The following MYOM1 variants were observed in gnomAD, a reference collection of about 807,000 sequenced individuals.
MYOM1 encodes the protein myomesin-1.
MYOM1 carries 164 observed loss-of-function variants against 205.3 expected under a neutral mutation model. The observed-to-expected ratio is 0.80, with a 90% confidence interval of 0.70 to 0.91. The LOEUF (loss-of-function observed/expected upper bound fraction) is 0.91. Among genes scored for constraint, MYOM1 ranks in the 40% least tolerant of loss-of-function variants. The pLI is 0.00. For missense variants in MYOM1, 2,011 were observed against 2,127.3 expected (o/e 0.95, Z 1.08); for synonymous variants, 772 against 789.4 (o/e 0.98, Z 0.37).
chr18:3,074,557 T>TA (rs1272742673), intron 36 of MYOM1, among the ~76,000 whole-genome samples: 1 of 152,202 alleles, frequency 6.6e-6, no homozygotes, highest in African/African-American at 2.4e-5. Context: ...TGAGTTCTTC[T>TA]AAAAATCTGT....
At chr18:3,143,298 T>C (rs1029283772) in intron 13 of MYOM1, among the ~76,000 whole-genome samples, 3 of 152,122 alleles carry the variant, frequency 2.0e-5, no homozygotes, top group Admixed American at 6.5e-5. Flanking sequence ...ATTTCAAGAA[T>C]GAAGGTAAAA....
In MYOM1 at chr18:3,142,041, CG is replaced by C. The variant is rs1000805573; in HGVS notation, c.1922del (p.Pro641ArgfsTer46). The stretch of plus-strand genomic sequence containing the variant: ...TGGCCTCAGTGACAGAGAGGTCTGT[CG>C]GGGGGCCAGGCACAATACCCTCTGA... ...EPSEGIVPGP[P>X]TDLSVTEATR... On this transcript the variant is annotated frameshift_variant, in exon 14 of 38. Transcript: ENST00000356443. LOFTEE classifies it high-confidence loss of function. 2 of 1,613,594 alleles carry C rather than the reference CG, an allele frequency of 1.2e-6. No individual in the cohort carries two copies. The highest frequency in any genetic ancestry group is 1.7e-6 in the Non-Finnish European group (2 of 1,179,748).
chr18:3,106,643 G>A, intron 22 of MYOM1, among the ~76,000 whole-genome samples: 1 of 152,146 alleles, frequency 6.6e-6, no homozygotes, highest in East Asian at 1.9e-4. Flanking sequence ...GCAACAAAAT[G>A]AGACTCTGTA....
intron 33 of MYOM1, among the ~76,000 whole-genome samples, chr18:3,079,639 T>C (rs1453911723): frequency 1.3e-5 from 2 of 152,000 alleles, no homozygotes; most frequent in Admixed American, 1.3e-4. Flanking sequence ...ATCTTTGTTT[T>C]TGTTTGGGTT....
At chr18:3,101,989 A>ATTTTTTT (rs35882298) in intron 23 of MYOM1, among the ~76,000 whole-genome samples, 1 of 55,848 alleles carries the variant, frequency 1.8e-5, no homozygotes, top group Non-Finnish European at 3.1e-5. Context: ...TCAGTCTGGG[A>ATTTTTTT]TTTTTTTTTT....
Position 3,135,604 on chromosome 18 carries a change from C to T in MYOM1, c.2152G>A (p.Ala718Thr), listed in dbSNP as rs1453203168. The change falls in exon 15 of 38, where the codon GCA becomes ACA. Residue 718 changes from alanine (A) to threonine (T), a missense_variant. Ala to Thr is a moderately conservative substitution (Grantham distance 58). Transcript: ENST00000356443. The surrounding 1 kb of genome is among the most constrained non-coding windows in gnomAD (Gnocchi z 4.1). ...GCCTCTGAGGGCTCACCAACTCCTGCAGAATTAGAACAGCGGACACGGAAA... is the reference window on the plus strand; with the variant it reads ...GCCTCTGAGGGCTCACCAACTCCTGTAGAATTAGAACAGCGGACACGGAAA... ...YCFRVRCSNS[A>T]GVGEPSEATE... The T allele has an allele frequency of 6.2e-7, 1 of 1,613,746 alleles. No individual in the cohort carries two copies. The highest frequency in any genetic ancestry group is 8.5e-7 in the Non-Finnish European group (1 of 1,179,880).
intron 2 of MYOM1, among the ~76,000 whole-genome samples, chr18:3,210,808 C>T (rs534184778): frequency 1.3e-4 from 20 of 152,166 alleles, no homozygotes; most frequent in Admixed American, 7.9e-4. Context: ...CTGGGTATGA[C>T]GAGGGTTCAA....
At chr18:3,205,303 G>A (rs1266169640) in intron 2 of MYOM1, among the ~76,000 whole-genome samples, 1 of 152,052 alleles carries the variant, frequency 6.6e-6, no homozygotes, top group Non-Finnish European at 1.5e-5. Context: ...CACAGAATAT[G>A]AGAAAATATT....
intron 14 of MYOM1, among the ~76,000 whole-genome samples, chr18:3,137,284 T>C (rs1178881055): frequency 6.6e-6 from 1 of 152,166 alleles, no homozygotes. Flanking sequence ...AAGATGAAGA[T>C]GTTTTTCTAC....
intron 13 of MYOM1, among the ~76,000 whole-genome samples, chr18:3,142,441 T>A (rs1157864347): frequency 1.3e-5 from 2 of 151,662 alleles, no homozygotes; most frequent in African/African-American, 4.8e-5. Context: ...CAAAAAAAAA[T>A]ATTTTTTTTT....
chr18:3,241,873 G>A, the MYOM1 span, among the ~76,000 whole-genome samples: 12 of 152,338 alleles, frequency 7.9e-5, no homozygotes, highest in East Asian at 2.3e-3. Context: ...GAGACATGGA[G>A]TCAAAGGAGA....
At chr18:3,171,463 T>G (rs561552701) in intron 8 of MYOM1, among the ~76,000 whole-genome samples, 3 of 152,182 alleles carry the variant, frequency 2.0e-5, no homozygotes, top group African/African-American at 7.2e-5. Context: ...CTTCTGTATC[T>G]GAGATTGGAC....
intron 25 of MYOM1, among the ~76,000 whole-genome samples, chr18:3,099,514 C>A (rs976257991): frequency 3.9e-5 from 6 of 152,212 alleles, no homozygotes; most frequent in Non-Finnish European, 5.9e-5. Flanking sequence ...ACTACCTTGG[C>A]CAGTGGGTAC....
At chr18:3,243,454 T>G in the MYOM1 span, among the ~76,000 whole-genome samples, 1 of 152,222 alleles carries the variant, frequency 6.6e-6, no homozygotes, top group Admixed American at 6.5e-5. Context: ...TGCTGTTGTT[T>G]GGGTAACGAA....
intron 23 of MYOM1, among the ~76,000 whole-genome samples, chr18:3,101,424 A>G (rs2079373926): frequency 6.6e-6 from 1 of 152,266 alleles, no homozygotes; most frequent in African/African-American, 2.4e-5. Flanking sequence ...ATGATAGATC[A>G]TACAATTCCT....
chr18:3,171,765 A>G (rs2080560632), intron 8 of MYOM1, among the ~76,000 whole-genome samples: 1 of 152,158 alleles, frequency 6.6e-6, no homozygotes, highest in Non-Finnish European at 1.5e-5. Context: ...AACGTTCATA[A>G]AGGTTTTATT....
At chr18:3,168,718 T>C (rs1170910325) in intron 9 of MYOM1, 99 bp downstream of exon 9, 4 of 1,282,064 alleles carry the variant, frequency 3.1e-6, no homozygotes, top group African/African-American at 1.5e-5. Flanking sequence ...GGTAGTCCCT[T>C]CTAACTTCCA....
At chr18:3,194,307 T>C (rs531242663) in intron 2 of MYOM1, among the ~76,000 whole-genome samples, 1 of 152,346 alleles carries the variant, frequency 6.6e-6, no homozygotes, top group South Asian at 2.1e-4. Flanking sequence ...TATAAATGGT[T>C]TGATACATGG....
At chr18:3,073,014 T>C (rs569104476) in intron 36 of MYOM1, among the ~76,000 whole-genome samples, 1 of 149,434 alleles carries the variant, frequency 6.7e-6, no homozygotes, top group Admixed American at 6.7e-5. Flanking sequence ...CAGGGTCTTA[T>C]GTTACCCAGG....
Sources: allele counts gnomAD v4.1 joint callset (sites outside exome capture counted in the v4.1 genomes callset), GRCh38; gene constraint gnomAD v4.1.1; non-coding constraint Gnocchi (gnomAD v3.1); transcripts MANE v1.5; gene names NCBI Gene and HGNC (gene_info 2026-07-23, HGNC 2026-07-21).